Variants in TRIQK observed in about 807,000 individuals in gnomAD.
TRIQK encodes triple QxxK/R motif containing, also known as triple QxxK/R motif-containing protein.
Under a neutral mutation model 10.8 loss-of-function variants are expected in TRIQK, and 10 were observed. The observed-to-expected ratio is 0.92, with a 90% CI of 0.57 to 1.57. The LOEUF (loss-of-function observed/expected upper bound fraction) is 1.57, where lower values mean the gene tolerates loss of function less well. Among genes scored for constraint, TRIQK ranks in the 40% most tolerant of loss-of-function variants. The probability of loss-of-function intolerance (pLI) is 0.00; values close to 1 mark genes in which losing one functional copy is unlikely to be tolerated. For synonymous variants in TRIQK, 33 were observed against 33.7 expected (o/e 0.98, Z 0.07); for missense variants, 107 against 97.7 (o/e 1.09, Z -0.40).
chr8:92,978,958 T>C (rs1376138570), intron 1 of TRIQK, among the ~76,000 whole-genome samples: 1 of 152,108 alleles, frequency 6.6e-6, no homozygotes, highest in Non-Finnish European at 1.5e-5. Context: ...TGAACACTTA[T>C]TGCATAACAC....
chr8:92,973,594 G>GAT (rs1246499312), intron 1 of TRIQK: 1 of 152,210 alleles, frequency 6.6e-6, no homozygotes, highest in East Asian at 1.9e-4. Flanking sequence ...ACTATTAAAA[G>GAT]ATATACAAAG....
intron 1 of TRIQK, among the ~76,000 whole-genome samples, chr8:92,955,052 G>A (rs1398882653): frequency 4.0e-5 from 6 of 151,818 alleles, no homozygotes; most frequent in Admixed American, 6.6e-5. Flanking sequence ...GGAATAATAA[G>A]CAGGTAATGC....
intron 3 of TRIQK, among the ~76,000 whole-genome samples, chr8:92,894,950 A>G (rs185994965): frequency 6.6e-6 from 1 of 152,184 alleles, no homozygotes; most frequent in Non-Finnish European, 1.5e-5. Flanking sequence ...CTGTGGTTTA[A>G]TGTGTCCCCC....
chr8:93,014,992 A>G (rs1357279622), intron 1 of TRIQK, among the ~76,000 whole-genome samples: 1 of 152,064 alleles, frequency 6.6e-6, no homozygotes, highest in East Asian at 1.9e-4. Context: ...ACATTTTAAC[A>G]TTTCCTCAAG....
intron 3 of TRIQK, among the ~76,000 whole-genome samples, chr8:92,906,438 T>C (rs1397299045): frequency 6.6e-6 from 1 of 152,104 alleles, no homozygotes; most frequent in Non-Finnish European, 1.5e-5. Context: ...TAATACAATT[T>C]TTAAATTTTT....
intron 1 of TRIQK, among the ~76,000 whole-genome samples, chr8:92,961,757 T>C (rs1812467986): frequency 6.6e-6 from 1 of 152,250 alleles, no homozygotes; most frequent in South Asian, 2.1e-4. Context: ...ATCTTTCTTT[T>C]GTCATTGTCA....
intron 3 of TRIQK, among the ~76,000 whole-genome samples, chr8:92,905,624 G>A (rs1005443313): frequency 3.0e-4 from 45 of 152,090 alleles, no homozygotes; most frequent in African/African-American, 9.9e-4. Context: ...TAGGGGACCT[G>A]AAAAGTTCCT....
chr8:92,892,225 CA>C (rs1437294225), intron 3 of TRIQK, among the ~76,000 whole-genome samples, 151 bp from the exon 4 acceptor site: 1 of 151,830 alleles, frequency 6.6e-6, no homozygotes, highest in African/African-American at 2.4e-5. Context: ...AACTTGTCAC[CA>C]AAAGGTCAAC....
At chr8:92,976,965 A>G (rs1812939758) in intron 1 of TRIQK, among the ~76,000 whole-genome samples, 1 of 151,964 alleles carries the variant, frequency 6.6e-6, no homozygotes, top group Admixed American at 6.6e-5. Context: ...TATATATTAA[A>G]CCCAACAATA....
intron 4 of TRIQK, among the ~76,000 whole-genome samples, chr8:92,888,380 A>AGGGATAG (rs1407871628): frequency 4.6e-5 from 7 of 151,678 alleles, no homozygotes; most frequent in Non-Finnish European, 8.9e-5. Context: ...AAGGCATTTA[A>AGGGATAG]GGGATAGGAA....
At chr8:92,992,973 C>A (rs1020413994) in intron 1 of TRIQK, among the ~76,000 whole-genome samples, 1 of 152,160 alleles carries the variant, frequency 6.6e-6, no homozygotes, top group Admixed American at 6.5e-5. Context: ...AGATTTATTT[C>A]TTTCAATTTC....
chr8:92,896,006 G>T (rs979033014), intron 3 of TRIQK, among the ~76,000 whole-genome samples: 1 of 152,140 alleles, frequency 6.6e-6, no homozygotes, highest in African/African-American at 2.4e-5. Context: ...GAGAGAAGGG[G>T]ACCAGGTGCT....
intron 1 of TRIQK, among the ~76,000 whole-genome samples, chr8:92,978,835 G>C (rs1458445514): frequency 6.6e-6 from 1 of 152,116 alleles, no homozygotes; most frequent in Non-Finnish European, 1.5e-5. Flanking sequence ...AGCTCTGGTT[G>C]TGAAAAGCAC....
At position 92,934,788 on chromosome 8, in the gene TRIQK, C is replaced by A. The variant is rs146522995; in HGVS notation, c.-21-17778G>T. On this transcript the variant is annotated intron_variant, in intron 2 of 4. Transcript: ENST00000521988. ...GCAAATTATGCTTTTAAAATACCAC[C>A]GAATTTTTCCACTAGAGAAATACAA... Among the ~76,000 whole-genome samples, 28 of 151,626 alleles carry A rather than the reference C, an allele frequency of 1.8e-4. No homozygotes were observed. In the East Asian group the frequency reaches 4.3e-3, roughly 23 times the overall value.
intron 2 of TRIQK, among the ~76,000 whole-genome samples, chr8:92,952,349 T>C (rs560963003): frequency 3.9e-5 from 6 of 151,932 alleles, no homozygotes; most frequent in Non-Finnish European, 5.9e-5. Context: ...GATTGAACAC[T>C]AGCTGAGGAA....
At chr8:92,989,491 C>T (rs1414958218) in intron 1 of TRIQK, among the ~76,000 whole-genome samples, 3 of 152,052 alleles carry the variant, frequency 2.0e-5, no homozygotes, top group African/African-American at 7.2e-5. Context: ...CATAGGAGCT[C>T]GAACCTGTTG....
At chr8:92,907,778 G>T (rs1423725194) in intron 3 of TRIQK, among the ~76,000 whole-genome samples, 1 of 151,762 alleles carries the variant, frequency 6.6e-6, no homozygotes, top group African/African-American at 2.4e-5. Context: ...GAATAAAACA[G>T]GTTTAACTCT....
intron 2 of TRIQK, among the ~76,000 whole-genome samples, chr8:92,936,812 T>C (rs573449357): frequency 1.3e-5 from 2 of 151,902 alleles, no homozygotes; most frequent in East Asian, 1.9e-4. Context: ...CAGGTTATGA[T>C]ATATAAAGTT....
chr8:92,967,089 T>C (rs1812783016), upstream of TRIQK, among the ~76,000 whole-genome samples: 1 of 151,934 alleles, frequency 6.6e-6, no homozygotes, highest in Admixed American at 6.6e-5. Flanking sequence ...AAATGTAATT[T>C]TATTTTCCGT....
Sources: gnomAD v4.1 joint callset for allele counts (sites outside exome capture counted in the v4.1 genomes callset) on GRCh38, gnomAD v4.1.1 for gene constraint, MANE v1.5 for transcripts, NCBI Gene and HGNC (gene_info 2026-07-23, HGNC 2026-07-21) for gene names.